ACOXL: variants seen among roughly 807,000 people sequenced by gnomAD.
ACOXL encodes acyl-CoA oxidase like, also known as acyl-coenzyme A oxidase-like protein.
Under a neutral mutation model 71.9 loss-of-function variants are expected in ACOXL, and 70 were observed. The observed-to-expected ratio is 0.97, with a 90% CI of 0.80 to 1.19. The LOEUF (loss-of-function observed/expected upper bound fraction) is 1.19, where lower values mean the gene tolerates loss of function less well. ACOXL is among the 50% of genes most tolerant of loss of function. The pLI, the probability that ACOXL is intolerant of heterozygous loss-of-function variation, is 0.00. For synonymous variants in ACOXL, 253 were observed against 281.6 expected (o/e 0.90, Z 1.02); for missense variants, 703 against 736.3 (o/e 0.95, Z 0.52).
chr2:110,786,733 C>G (rs575773730), intron 3 of ACOXL, among the ~76,000 whole-genome samples: 2 of 152,286 alleles, frequency 1.3e-5, no homozygotes, highest in South Asian at 4.1e-4. Flanking sequence ...TCACAGGGAT[C>G]GTCTGAATGA....
chr2:110,938,374 C>T (rs2060742248), intron 12 of ACOXL, among the ~76,000 whole-genome samples: 1 of 152,260 alleles, frequency 6.6e-6, no homozygotes, highest in Non-Finnish European at 1.5e-5. Context: ...AGCAGGCACT[C>T]TGTGGTGCCT....
chr2:111,008,550 C>A (rs1384793), intron 14 of ACOXL, among the ~76,000 whole-genome samples: 136,480 of 152,002 alleles, frequency 0.9, 61,525 homozygotes, highest in African/African-American at 0.97. Context: ...TCCTCCCAAC[C>A]TTTGGTCATT....
intron 13 of ACOXL, among the ~76,000 whole-genome samples, chr2:110,990,428 T>G (rs72834566): frequency 0.45 from 68,754 of 152,014 alleles, 15,795 homozygotes; most frequent in Middle Eastern, 0.53. Context: ...TTCTTTGGAG[T>G]TTTTTTCCAT....
intron 16 of ACOXL, among the ~76,000 whole-genome samples, chr2:111,087,107 G>T (rs2068253302): frequency 6.6e-6 from 1 of 152,078 alleles, no homozygotes; most frequent in African/African-American, 2.4e-5. Context: ...AAATGTAAAA[G>T]ATCTCTACAA....
chr2:110,973,527 T>C (rs999181940), intron 12 of ACOXL, among the ~76,000 whole-genome samples: 2 of 152,188 alleles, frequency 1.3e-5, no homozygotes, highest in Non-Finnish European at 2.9e-5. Flanking sequence ...CAGCAGACAC[T>C]GAATCTACCA....
At chr2:111,086,555 G>T (rs2068218381) in intron 16 of ACOXL, among the ~76,000 whole-genome samples, 1 of 152,176 alleles carries the variant, frequency 6.6e-6, no homozygotes, top group Non-Finnish European at 1.5e-5. Context: ...GGATATTGTT[G>T]ATGTATAGAG....
chr2:110,929,749 C>T (rs1267322922), intron 11 of ACOXL, among the ~76,000 whole-genome samples: 3 of 152,200 alleles, frequency 2.0e-5, no homozygotes, highest in Non-Finnish European at 4.4e-5. Flanking sequence ...GCCCTGCATC[C>T]CAGCTGCTGT....
chr2:110,767,920 C>G (rs1281818009), intron 1 of ACOXL, among the ~76,000 whole-genome samples: 1 of 123,292 alleles, frequency 8.1e-6, no homozygotes, highest in Admixed American at 9.3e-5. Flanking sequence ...CCTGTCTCTA[C>G]TAAACACACA....
intron 12 of ACOXL, among the ~76,000 whole-genome samples, chr2:110,950,030 T>A (rs931475191): frequency 5.3e-5 from 8 of 152,012 alleles, no homozygotes; most frequent in Non-Finnish European, 1.0e-4. Context: ...GTCTTTTTTT[T>A]ATTTTTATTT....
At chr2:110,956,063 G>T (rs2061490191) in intron 12 of ACOXL, among the ~76,000 whole-genome samples, 1 of 151,282 alleles carries the variant, frequency 6.6e-6, no homozygotes, top group Non-Finnish European at 1.5e-5. Flanking sequence ...AGCCTCCTGA[G>T]TAGCTGGGAT....
chr2:111,096,399 C>T (rs549121791), intron 17 of ACOXL, among the ~76,000 whole-genome samples: 97 of 152,012 alleles, frequency 6.4e-4, no homozygotes, highest in African/African-American at 2.0e-3. Flanking sequence ...CGTGCCACCA[C>T]GCCTAGCTAA....
chr2:110,854,200 A>G (rs1165055187), intron 10 of ACOXL, among the ~76,000 whole-genome samples: 4 of 152,192 alleles, frequency 2.6e-5, no homozygotes, highest in Non-Finnish European at 5.9e-5. Context: ...GCTGGCAGCA[A>G]CTTCTGAGGG....
intron 10 of ACOXL, among the ~76,000 whole-genome samples, chr2:110,879,418 C>T (rs1180907701): frequency 1.3e-5 from 2 of 152,170 alleles, no homozygotes; most frequent in East Asian, 3.8e-4. Flanking sequence ...TAAGGAAATC[C>T]TCTTTTGAGA....
intron 16 of ACOXL, among the ~76,000 whole-genome samples, chr2:111,090,100 T>C (rs971311528): frequency 6.6e-6 from 1 of 152,212 alleles, no homozygotes; most frequent in Non-Finnish European, 1.5e-5. Flanking sequence ...GCTTGGTTCC[T>C]TAGGTAGCAG....
chr2:111,043,714 G>A (rs1167483517), intron 15 of ACOXL, among the ~76,000 whole-genome samples: 2 of 152,188 alleles, frequency 1.3e-5, no homozygotes, highest in Non-Finnish European at 2.9e-5. Context: ...CAGTAAGGGA[G>A]GTCGCTGCCT....
chr2:110,880,360 T>A (rs1004533510), intron 10 of ACOXL, among the ~76,000 whole-genome samples: 4 of 152,184 alleles, frequency 2.6e-5, no homozygotes, highest in Non-Finnish European at 5.9e-5. Context: ...ACTGTATGAA[T>A]TGTTCTGCCA....
chr2:110,935,737 C>T (rs2060637772), intron 12 of ACOXL, among the ~76,000 whole-genome samples: 1 of 152,148 alleles, frequency 6.6e-6, no homozygotes. Context: ...TTTTCCATAA[C>T]AACCAGTCCT....
In ACOXL at chr2:111,092,911, G is replaced by T. The variant is rs767616609; in HGVS notation, c.1487G>T (p.Trp496Leu). Residue 496 changes from tryptophan (W) to leucine (L), a missense_variant, in exon 17 of 18, where the codon TGG becomes TTG. Transcript: ENST00000439055. ...AAGCTGGTGTTTCAGGAGCGGGCCTGGTATTTAGAACATAAATACTTGACT... is the reference window on the plus strand; with the variant it reads ...AAGCTGGTGTTTCAGGAGCGGGCCTTGTATTTAGAACATAAATACTTGACT... The part of the protein sequence containing the change: ...GTKLVFQERA[W>L]YLEHKYLTPM... The T allele has an allele frequency of 5.0e-6, 8 of 1,613,818 alleles. No homozygotes were observed. Among genetic ancestry groups the T allele is most frequent in the East Asian group, 4.5e-5 (2 of 44,880 alleles).
At chr2:111,055,671 G>A (rs1247355658) in intron 16 of ACOXL, among the ~76,000 whole-genome samples, 1 of 152,228 alleles carries the variant, frequency 6.6e-6, no homozygotes, top group South Asian at 2.1e-4. Flanking sequence ...ATCTGGGGCT[G>A]GGAATGGGAT....
Sources: gnomAD v4.1 joint callset for allele counts (sites outside exome capture counted in the v4.1 genomes callset) on GRCh38, gnomAD v4.1.1 for gene constraint, MANE v1.5 for transcripts, NCBI Gene and HGNC (gene_info 2026-07-23, HGNC 2026-07-21) for gene names.